LEFTY1: variants seen among roughly 807,000 people sequenced by gnomAD.
The protein encoded by LEFTY1 is left-right determination factor 1.
LEFTY1 carries 18 observed loss-of-function variants against 22.6 expected under a neutral mutation model. The ratio of observed to expected loss-of-function variants is 0.80; its 90% CI spans 0.55 to 1.18. LEFTY1 has a LOEUF of 1.18. Among genes scored for constraint, LEFTY1 ranks in the 50% most tolerant of loss-of-function variants. The probability of loss-of-function intolerance (pLI) is 0.00; values close to 1 mark genes in which losing one functional copy is unlikely to be tolerated. For synonymous variants in LEFTY1, 201 were observed against 231.5 expected, an observed-to-expected ratio of 0.87 and a Z score of 1.20; for missense variants, 414 against 495.4, an observed-to-expected ratio of 0.84 and a Z score of 1.56.
chr1:225,887,605 G>A lies in LEFTY1; in HGVS notation c.531C>T (p.Ala177=), dbSNP rs1167319879. 4 of 1,611,794 alleles carry A rather than the reference G, an allele frequency of 2.5e-6. No homozygotes were observed. The highest frequency in any genetic ancestry group is 1.7e-5 in the Admixed American group (1 of 59,972). ...AGTTCACGGCCTCGGTCACGTCGAA[G>A]GCCTTCCAGCCGCTCTCGTGGACGG... is the stretch of plus-strand genomic sequence containing the variant. ...LVSVHESGWK[A]FDVTEAVNFW... The change falls in exon 3 of 4, where the codon GCC becomes GCT. Residue 177 remains alanine, a synonymous_variant. Transcript: ENST00000272134.
At position 225,886,994 on chromosome 1, in the gene LEFTY1, G is replaced by C; in HGVS notation, c.834C>G (p.Ala278=). The change falls in exon 4 of 4, where the codon GCC becomes GCG. Residue 278 remains alanine, a synonymous_variant. Coordinates refer to ENST00000272134, the MANE Select transcript of LEFTY1 (RefSeq NM_020997.4). ...MYIDLQGMKW[A]ENWVLEPPGF... ...CCGGGGGCTCCAGCACCCAGTTCTCGGCCCACTTCATCCCCTGCAGGTCAA... is the reference window on the plus strand; with the variant it reads ...CCGGGGGCTCCAGCACCCAGTTCTCCGCCCACTTCATCCCCTGCAGGTCAA... The C allele has an allele frequency of 8.1e-6, 13 of 1,609,552 alleles. No individual in the cohort carries two copies. The highest frequency in any genetic ancestry group is 1.1e-5 in the Non-Finnish European group (13 of 1,176,922).
Position 225,887,848 on chromosome 1 carries a change from C to CACCCGG in LEFTY1, c.429_434dup (p.Arg144_Val145dup). ...CGCGGACGCGCAGCCACTCGACGGT[C>CACCCGG]ACCCGGGCCCGGGCGCTGCGCGGGG... On this transcript the variant is annotated inframe_insertion, in exon 2 of 4. Transcript: ENST00000272134. The CACCCGG allele has an allele frequency of 6.5e-7, 1 of 1,530,922 alleles. No homozygotes were observed. The highest frequency in any genetic ancestry group is 8.7e-7 in the Non-Finnish European group (1 of 1,145,430). The allele number at this position is 1,530,922 out of a possible 1,614,324, so 94.8% of individuals were successfully genotyped here.
Position 225,886,814 on chromosome 1 carries a change from G to C in LEFTY1, c.1014C>G (p.Pro338=). Residue 338 remains proline, a synonymous_variant, in exon 4 of 4, where the codon CCC becomes CCG. Coordinates refer to ENST00000272134, the MANE Select transcript of LEFTY1 (RefSeq NM_020997.4). ...TCATGTTGGGCAGGCTGACCACCTG[G>C]GGCCTGGTCCTGCCTCCCTCCTTGA... ...VSIKEGGRTR[P]QVVSLPNMRV... 6.2e-7 allele frequency: 1 copy of C among 1,613,828 alleles called. No homozygotes were observed. Among genetic ancestry groups the C allele is most frequent in the Non-Finnish European group, 8.5e-7 (1 of 1,180,040 alleles).
chr1:225,887,751 C>T (rs1209861250), intron 2 of LEFTY1, 35 bp downstream of exon 2: 13 of 1,556,708 alleles, frequency 8.4e-6, no homozygotes, highest in Non-Finnish European at 1.1e-5. Context: ...CTAGCAGCGC[C>T]CTCCCCCTAC....
In LEFTY1 at chr1:225,886,587, C is replaced by G. The variant is rs1671282324; in HGVS notation, c.*140G>C. 6.7e-7 allele frequency: 1 copy of G among 1,487,188 alleles called. No homozygotes were observed. The highest frequency in any genetic ancestry group is 1.4e-5 in the African/African-American group (1 of 71,642). The allele number at this position is 1,487,188 out of a possible 1,614,324, so 92.1% of individuals were successfully genotyped here. On this transcript the variant is annotated 3_prime_UTR_variant, in exon 4 of 4. Coordinates refer to ENST00000272134, the MANE Select transcript of LEFTY1 (RefSeq NM_020997.4). ...GCAAAAATTAGGTGAGGTAACTTGT[C>G]AGAGGAAGCAAATTCAGGGCTCACT... is the stretch of plus-strand genomic sequence containing the variant.
Position 225,887,848 on chromosome 1 carries a change from C to T in LEFTY1, c.435G>A (p.Val145=). 6.5e-7 allele frequency: 1 copy of T among 1,530,922 alleles called. No homozygotes were observed. Among genetic ancestry groups the T allele is most frequent in the African/African-American group, 1.4e-5 (1 of 72,146 alleles). The allele number at this position is 1,530,922 out of a possible 1,614,324, so 94.8% of individuals were successfully genotyped here. The change falls in exon 2 of 4, where the codon GTG becomes GTA. Residue 145 remains valine, a synonymous_variant. Coordinates refer to ENST00000272134, the MANE Select transcript of LEFTY1 (RefSeq NM_020997.4). ...CGCGGACGCGCAGCCACTCGACGGT[C>T]ACCCGGGCCCGGGCGCTGCGCGGGG... ...RLSPRSARAR[V]TVEWLRVRDD... is the part of the protein sequence containing the mutation.
chr1:225,888,924 ATGTCGGCCC>A lies in LEFTY1; in HGVS notation c.134_142del (p.Arg45_Asp47del), dbSNP rs1461227587. On this transcript the variant is annotated inframe_deletion, in exon 1 of 4. Transcript: ENST00000272134. ...GTGGGTGGGGATGACCAGCTCCTCC[ATGTCGGCCC>A]TGTCCAGGGTGGGCACCTCTTTGAG... 1.6e-5 allele frequency: 25 copies of A among 1,612,590 alleles called. No individual in the cohort carries two copies. The highest frequency in any genetic ancestry group is 1.9e-5 in the Non-Finnish European group (22 of 1,179,730).
rs748851850 is a variant in LEFTY1, at chr1:225,887,671, G to A, written c.498-33C>T. On this transcript the variant is annotated intron_variant, in intron 2 of 3. Transcript: ENST00000272134. ...ATGACACAGAGACCCAGCGCCGCTT[G>A]AGGGCGGGGACTGGGACGGGCCCCG... 2.1e-5 allele frequency: 34 copies of A among 1,611,586 alleles called. No individual in the cohort carries two copies. In the Admixed American group the frequency reaches 3.8e-4, roughly 18 times the overall value.
Position 225,889,102 on chromosome 1 carries a change from C to T in LEFTY1, c.-36G>A. The T allele has an allele frequency of 6.9e-7, 1 of 1,442,296 alleles. No individual in the cohort carries two copies. Among genetic ancestry groups the T allele is most frequent in the Non-Finnish European group, 9.1e-7 (1 of 1,101,746 alleles). 89.3% of individuals were successfully genotyped at this position (1,442,296 alleles called of 1,614,324 possible). A position where few individuals can be genotyped will look rare whatever the true frequency, so the allele number is the denominator to read the frequency against. On this transcript the variant is annotated 5_prime_UTR_variant, in exon 1 of 4. Coordinates refer to ENST00000272134, the MANE Select transcript of LEFTY1 (RefSeq NM_020997.4). The stretch of plus-strand genomic sequence containing the variant: ...TGGAGGAGCAAGAGGCAGAGTGGGG[C>T]TGTCCCTTGAGAAGGCTGCAGGAGG...
Position 225,888,360 on chromosome 1 carries a change from GGCTGCAGGAGGATTCAGGCCC to G in LEFTY1, c.251-349_251-329del, listed in dbSNP as rs1671331612. ...GAGAGGCTGCAGGAGGATTCAGGCCGGCTGCAGGAGGATTCAGGCCCGCTGCACCCCTGACAGCCAGGTATA... is the reference window on the plus strand; with the variant it reads ...GAGAGGCTGCAGGAGGATTCAGGCCGGCTGCACCCCTGACAGCCAGGTATA... On this transcript the variant is annotated intron_variant, in intron 1 of 3. Coordinates refer to ENST00000272134, the MANE Select transcript of LEFTY1 (RefSeq NM_020997.4). Among the ~76,000 whole-genome samples the G allele has an allele frequency of 1.3e-5, 2 of 151,256 alleles. 1 individual carries two copies. The highest frequency in any genetic ancestry group is 1.3e-4 in the Admixed American group (2 of 15,218).
chr1:225,887,859 G>C lies in LEFTY1; in HGVS notation c.424C>G (p.Arg142Gly), dbSNP rs1426429096. The C allele has an allele frequency of 2.0e-6, 3 of 1,530,832 alleles. No homozygotes were observed. The highest frequency in any genetic ancestry group is 2.4e-5 in the South Asian group (2 of 83,652). 94.8% of individuals were successfully genotyped at this position (1,530,832 alleles called of 1,614,324 possible). Residue 142 changes from arginine to glycine, a missense_variant, in exon 2 of 4, where the codon CGG (arginine) becomes GGG (glycine). Physicochemically the swap from Arg to Gly is moderately radical, Grantham distance 125 (BLOSUM62 -2). This residue lies in a region of LEFTY1 where 398 missense variants were observed against 454.7 expected (regional missense o/e 0.88). Transcript: ENST00000272134. Reference sequence around the variant, plus strand: ...AGCCACTCGACGGTCACCCGGGCCCGGGCGCTGCGCGGGGACAGCCGCCCG... The same window carrying C: ...AGCCACTCGACGGTCACCCGGGCCCCGGCGCTGCGCGGGGACAGCCGCCCG... Reference protein sequence around the residue: ...RHGRLSPRSARARVTVEWLRV... With the variant: ...RHGRLSPRSAGARVTVEWLRV...
chr1:225,887,603 A>G lies in LEFTY1; in HGVS notation c.533T>C (p.Phe178Ser), dbSNP rs1424818057. 2.5e-6 allele frequency: 4 copies of G among 1,611,790 alleles called. No homozygotes were observed. The highest frequency in any genetic ancestry group is 3.4e-6 in the Non-Finnish European group (4 of 1,179,702). The change falls in exon 3 of 4, where the codon TTC becomes TCC. Residue 178 changes from phenylalanine to serine, a missense_variant. Phe to Ser is a radical substitution (Grantham distance 155, BLOSUM62 -2). Transcript: ENST00000272134. ...VSVHESGWKAFDVTEAVNFWQ... is the reference protein window; with the variant it reads ...VSVHESGWKASDVTEAVNFWQ... ...GAAGTTCACGGCCTCGGTCACGTCG[A>G]AGGCCTTCCAGCCGCTCTCGTGGAC...
intron 1 of LEFTY1, among the ~76,000 whole-genome samples, chr1:225,888,379 C>A (rs529329094): frequency 6.6e-6 from 1 of 152,124 alleles, no homozygotes; most frequent in Admixed American, 6.5e-5. Flanking sequence ...AGGATTCAGG[C>A]CCGCTGCACC....
In LEFTY1 at chr1:225,888,689, C is replaced by T. The variant is rs1265510777; in HGVS notation, c.250+128G>A. On this transcript the variant is annotated intron_variant, in intron 1 of 3. Transcript: ENST00000272134. ...ACAGGCCCGGCCCCACCTCACTGCCCCTTAGACCGTGGCCCTCACTCAGCC... is the reference window on the plus strand; with the variant it reads ...ACAGGCCCGGCCCCACCTCACTGCCTCTTAGACCGTGGCCCTCACTCAGCC... The T allele has an allele frequency of 6.9e-6, 9 of 1,300,326 alleles. No individual in the cohort carries two copies. In the East Asian group the frequency reaches 2.0e-4, roughly 29 times the overall value. The allele number at this position is 1,300,326 out of a possible 1,614,324, so 80.5% of individuals were successfully genotyped here.
intron 1 of LEFTY1, among the ~76,000 whole-genome samples, 154 bp from the exon 2 acceptor site, chr1:225,888,186 C>T (rs1026404440): frequency 2.6e-5 from 4 of 152,186 alleles, no homozygotes; most frequent in Middle Eastern, 3.4e-3. Flanking sequence ...GGATCTGGGC[C>T]TTGTTTAGTA....
chr1:225,887,750 C>A, intron 2 of LEFTY1, 36 bp downstream of exon 2: 1 of 1,558,742 alleles, frequency 6.4e-7, no homozygotes, highest in Non-Finnish European at 8.7e-7. Flanking sequence ...CCTAGCAGCG[C>A]CCTCCCCCTA....
rs779541017 is a variant in LEFTY1 at position 225,886,859 on chromosome 1, C to T, written c.969G>A (p.Ser323=). Residue 323 remains serine (S), a synonymous_variant, in exon 4 of 4, where the codon TCG becomes TCA. Coordinates refer to ENST00000272134, the MANE Select transcript of LEFTY1 (RefSeq NM_020997.4). ...PRQCIASETD[S]LPMIVSIKEG... is the part of the protein sequence containing the mutation. ...CCTTGATGCTGACGATCATGGGCAG[C>T]GAGTCAGTCTCCGAGGCGATGCACT... 1.7e-4 allele frequency: 270 copies of T among 1,613,786 alleles called. 1 individual carries two copies. In the Admixed American group the frequency reaches 4.2e-3, roughly 25 times the overall value.
In LEFTY1 at chr1:225,887,526, G is replaced by A. The variant is rs754243077; in HGVS notation, c.610C>T (p.Gln204Ter). Residue 204 changes from glutamine to a stop codon, truncating the protein, a stop_gained, in exon 3 of 4, where the codon CAG (glutamine) becomes TAG (stop). Transcript: ENST00000272134. LOFTEE classifies it high-confidence loss of function. ...RQPLLLQVSV[Q>*]REHLGPLASG... is the part of the protein sequence containing the mutation. ...GCCAGCGGGCCCAGATGCTCCCTCT[G>A]CACCGACACCTGTAGCAGCAGCGGC... is the stretch of plus-strand genomic sequence containing the variant. 10 of 1,611,868 alleles carry A rather than the reference G, an allele frequency of 6.2e-6. No homozygotes were observed. Among genetic ancestry groups the A allele is most frequent in the Non-Finnish European group, 7.6e-6 (9 of 1,179,496 alleles).
rs1359641548 is a variant in LEFTY1, at chr1:225,886,732, G to A, written c.1096C>T (p.Pro366Ser). The A allele has an allele frequency of 6.2e-7, 1 of 1,613,548 alleles. No individual in the cohort carries two copies. ...DGALVPRRLQP is the reference protein window; with the variant it reads ...DGALVPRRLQS ...TCGATGGCTACACTAGGCGCCTATG[G>A]CTGGAGCCTCCTTGGCACGAGCGCA... Residue 366 changes from proline (P) to serine (S), a missense_variant, in exon 4 of 4, where the codon CCA becomes TCA. By Grantham distance (74) the Pro-to-Ser change is moderately conservative (BLOSUM62 -1). Around this residue, in one of 2 missense-constraint regions of LEFTY1, gnomAD observed 16 missense variants for 40.7 expected, o/e 0.39. Transcript: ENST00000272134.
Sources: gnomAD v4.1 joint callset for allele counts (sites outside exome capture counted in the v4.1 genomes callset) on GRCh38, gnomAD v4.1.1 for gene constraint, gnomAD v4.1.1 regional missense constraint, MANE v1.5 for transcripts, NCBI Gene and HGNC (gene_info 2026-07-23, HGNC 2026-07-21) for gene names.